The following CELF2 variants were observed in gnomAD, a reference collection of about 807,000 sequenced individuals.
The protein encoded by CELF2 is CUG triplet repeat RNA-binding protein 2.
Under a neutral mutation model 62.6 loss-of-function variants are expected in CELF2, and 8 were observed. The ratio of observed to expected loss-of-function variants is 0.13; its 90% confidence interval spans 0.07 to 0.23. The LOEUF (loss-of-function observed/expected upper bound fraction) is 0.23. Ranked by LOEUF, CELF2 falls within the 10% of genes least tolerant of loss-of-function variation. The pLI, the probability that CELF2 is intolerant of heterozygous loss-of-function variation, is 1.00. For missense variants in CELF2, 333 were observed against 671.0 expected (o/e 0.50, Z 5.56); for synonymous variants, 258 against 250.0 (o/e 1.03, Z -0.30).
rs766275871 is a variant in CELF2 at position 11,178,132 on chromosome 10, T to G, written c.271+12450T>G. On this transcript the variant is annotated intron_variant, in intron 2 of 12. Coordinates refer to ENST00000633077, the MANE Select transcript of CELF2 (RefSeq NM_001326342.2). The surrounding 1 kb of genome is among the most constrained non-coding windows in gnomAD (Gnocchi z 4.3). ...CATGCCCTGGCCTGCGTCAGCGTTA[T>G]GGAGTAGGCAACCTGGTTCGGCGCA... Among the ~76,000 whole-genome samples, 15 of 152,214 alleles carry G rather than the reference T, an allele frequency of 9.9e-5. No homozygotes were observed. The highest frequency in any genetic ancestry group is 1.6e-4 in the Non-Finnish European group (11 of 68,034).
chr10:10,713,995 G>A, the CELF2 span, among the ~76,000 whole-genome samples: 4 of 151,954 alleles, frequency 2.6e-5, no homozygotes, highest in African/African-American at 9.7e-5. Flanking sequence ...AGATTGCATC[G>A]CCGCACTCCA....
At chr10:11,101,466 T>TCTC (rs2051607229) in intron 1 of CELF2, among the ~76,000 whole-genome samples, 1 of 152,102 alleles carries the variant, frequency 6.6e-6, no homozygotes, top group Non-Finnish European at 1.5e-5. Flanking sequence ...GAGGGCTAGC[T>TCTC]CTCAAGACAT....
chr10:10,552,114 A>G, the CELF2 span, among the ~76,000 whole-genome samples: 1 of 152,174 alleles, frequency 6.6e-6, no homozygotes, highest in Non-Finnish European at 1.5e-5. Flanking sequence ...TGTACCTCTG[A>G]CACAAGGCTT....
At chr10:10,666,365 C>T in the CELF2 span, among the ~76,000 whole-genome samples, 8 of 152,120 alleles carry the variant, frequency 5.3e-5, no homozygotes, top group African/African-American at 1.9e-4. Context: ...AGCATAGCAC[C>T]AGGTGACCAC....
At chr10:10,966,724 G>A (rs1175163660) in intron 2 of CELF2, 2 of 152,188 alleles carry the variant, frequency 1.3e-5, no homozygotes, top group Non-Finnish European at 2.9e-5. Context: ...CCAGGATAAG[G>A]AAACCAGAGG....
intron 1 of CELF2, among the ~76,000 whole-genome samples, chr10:11,084,126 A>G (rs534962256): frequency 6.6e-6 from 1 of 152,380 alleles, no homozygotes; most frequent in Non-Finnish European, 1.5e-5. Flanking sequence ...ATTTTCCTCC[A>G]GAAGAATTTA....
intron 3 of CELF2, among the ~76,000 whole-genome samples, chr10:11,234,932 T>G (rs112385628): frequency 7.2e-5 from 11 of 152,282 alleles, no homozygotes; most frequent in African/African-American, 2.6e-4. Context: ...CATTTTACTG[T>G]GTACTTTCAT....
the CELF2 span, among the ~76,000 whole-genome samples, chr10:10,515,683 G>A: frequency 6.6e-6 from 1 of 152,158 alleles, no homozygotes; most frequent in Non-Finnish European, 1.5e-5. Context: ...AGGTCACAGT[G>A]CAAGACAAGC....
chr10:11,295,981 T>A (rs1227103444), intron 9 of CELF2, among the ~76,000 whole-genome samples: 1 of 152,046 alleles, frequency 6.6e-6, no homozygotes, highest in African/African-American at 2.4e-5. Flanking sequence ...CTCTTAATAG[T>A]CTGTAACCAA....
intron 2 of CELF2, among the ~76,000 whole-genome samples, chr10:11,174,077 A>T (rs915453226): frequency 6.6e-6 from 1 of 152,228 alleles, no homozygotes; most frequent in African/African-American, 2.4e-5. Flanking sequence ...GGAAATTTGT[A>T]GTGAACTAGA....
At chr10:10,980,678 C>T (rs1247493533) in intron 2 of CELF2, among the ~76,000 whole-genome samples, 2 of 152,224 alleles carry the variant, frequency 1.3e-5, no homozygotes, top group African/African-American at 2.4e-5. Context: ...CTCTCGCACC[C>T]GCACAGGTTA....
In CELF2 at chr10:11,316,567, A is replaced by C. The variant is rs2094999055; in HGVS notation, c.1096+2309A>C. Among the ~76,000 whole-genome samples the C allele has an allele frequency of 6.6e-6, 1 of 152,208 alleles. No homozygotes were observed. The highest frequency in any genetic ancestry group is 2.1e-4 in the South Asian group (1 of 4,832). ...CGTCAAGCAGTGGTTACCTGGACAG[A>C]GTCAGCTTCTCAAATAGTTGACGGC... On this transcript the variant is annotated intron_variant, in intron 10 of 12. Coordinates refer to ENST00000633077, the MANE Select transcript of CELF2 (RefSeq NM_001326342.2). This position sits in a 1 kb window ranked among gnomAD's most constrained non-coding sequence, Gnocchi z 4.4.
chr10:10,589,465 C>T, the CELF2 span, among the ~76,000 whole-genome samples: 2 of 152,172 alleles, frequency 1.3e-5, no homozygotes, highest in Non-Finnish European at 2.9e-5. Context: ...CTTTGGAATG[C>T]CCTGGGCAGA....
At chr10:11,005,252 G>GA, upstream of CELF2, 1 of 1,457,282 alleles carries the variant, frequency 6.9e-7, no homozygotes, top group Non-Finnish European at 8.9e-7. The surrounding 1 kb of genome is among the most constrained non-coding windows in gnomAD (Gnocchi z 4.3). Context: ...GACAGAGAGA[G>GA]AGGGAGAGAG....
intron 1 of CELF2, among the ~76,000 whole-genome samples, chr10:10,853,430 G>A (rs1465066294): frequency 1.3e-5 from 2 of 152,000 alleles, no homozygotes; most frequent in East Asian, 1.9e-4. Context: ...AAAAGATCTG[G>A]GGAATTCAGA....
intron 2 of CELF2, among the ~76,000 whole-genome samples, chr10:10,954,257 T>G (rs528439165): frequency 8.0e-6 from 1 of 125,686 alleles, no homozygotes; most frequent in South Asian, 2.8e-4. Context: ...ATTATTATTA[T>G]TATTTTGAGA....
chr10:10,590,584 G>A, the CELF2 span, among the ~76,000 whole-genome samples: 2 of 152,044 alleles, frequency 1.3e-5, no homozygotes, highest in Admixed American at 6.6e-5. Context: ...CACCAGCCAC[G>A]AAGGTACCCA....
chr10:11,108,348 G>GT (rs138546101), intron 1 of CELF2, among the ~76,000 whole-genome samples: 39,872 of 149,126 alleles, frequency 0.27, 6,062 homozygotes, highest in East Asian at 0.69. Context: ...CTGGTTCACT[G>GT]TTTTTTTGTT....
At chr10:11,095,423 G>C (rs1435417420) in intron 1 of CELF2, among the ~76,000 whole-genome samples, 1 of 152,212 alleles carries the variant, frequency 6.6e-6, no homozygotes, top group Non-Finnish European at 1.5e-5. Flanking sequence ...GTGACTGTAT[G>C]TAGCCGTCTC....
Sources: gnomAD v4.1 joint callset for allele counts (sites outside exome capture counted in the v4.1 genomes callset) on GRCh38, gnomAD v4.1.1 for gene constraint, Gnocchi (gnomAD v3.1) non-coding constraint, MANE v1.5 for transcripts, NCBI Gene and HGNC (gene_info 2026-07-23, HGNC 2026-07-21) for gene names.